Variants in SLC30A4 observed in about 807,000 individuals in gnomAD.
SLC30A4 encodes the protein probable proton-coupled zinc antiporter SLC30A4.
A neutral mutation model predicts 41.7 loss-of-function variants in SLC30A4; 20 were observed. That is an observed-to-expected ratio of 0.48 (90% CI 0.34 to 0.70). SLC30A4 has a LOEUF of 0.70. Ranked by LOEUF, SLC30A4 falls within the 30% of genes least tolerant of loss-of-function variation. The pLI is 0.01. For missense variants in SLC30A4, 441 were observed against 529.3 expected (o/e 0.83, Z 1.64); for synonymous variants, 181 against 195.9 (o/e 0.92, Z 0.64).
intron 4 of SLC30A4, among the ~76,000 whole-genome samples, chr15:45,489,661 C>T (rs974831959): frequency 1.3e-5 from 2 of 149,720 alleles, no homozygotes; most frequent in Non-Finnish European, 3.0e-5. Flanking sequence ...GGAGATATAC[C>T]TAATGCTAAA....
chr15:45,479,742 T>C lies in SLC30A4; in HGVS notation c.*5421A>G, dbSNP rs1284625381. On this transcript the variant is annotated 3_prime_UTR_variant, in exon 8 of 8. Coordinates refer to ENST00000261867, the MANE Select transcript of SLC30A4 (RefSeq NM_013309.6). Reference sequence around the variant, plus strand: ...TATTACTTAATAAAAAGAGCAGATATTTAAGAGACTGTACATTTTTATTTA... The same window carrying C: ...TATTACTTAATAAAAAGAGCAGATACTTAAGAGACTGTACATTTTTATTTA... The C allele has an allele frequency of 6.6e-6, 1 of 152,026 alleles. No individual in the cohort carries two copies. Among genetic ancestry groups the C allele is most frequent in the Non-Finnish European group, 1.5e-5 (1 of 68,004 alleles). The allele number at this position is 152,026 out of a possible 1,614,324, so 9.4% of individuals were successfully genotyped here. A position where few individuals can be genotyped will look rare whatever the true frequency, so the allele number is the denominator to read the frequency against.
chr15:45,490,930 C>CACTTCATA, intron 3 of SLC30A4, 49 bp from the exon 4 acceptor site: 1 of 1,213,908 alleles, frequency 8.2e-7, no homozygotes, highest in South Asian at 1.8e-5. Context: ...ATGGTTACTA[C>CACTTCATA]ACTTCATACC....
chr15:45,501,035 C>CGG (rs1892019620), intron 3 of SLC30A4, among the ~76,000 whole-genome samples: 1 of 147,402 alleles, frequency 6.8e-6, no homozygotes, highest in South Asian at 2.4e-4. Flanking sequence ...TGGCCAGGTG[C>CGG]GGTGGCTCAC....
At chr15:45,507,654 G>A (rs1034414589) in intron 3 of SLC30A4, among the ~76,000 whole-genome samples, 2 of 151,520 alleles carry the variant, frequency 1.3e-5, no homozygotes, top group Non-Finnish European at 2.9e-5. Context: ...TGCCCAGCTA[G>A]GTTTTGTATT....
intron 2 of SLC30A4, among the ~76,000 whole-genome samples, chr15:45,514,978 T>C (rs1053023445): frequency 6.6e-6 from 1 of 150,388 alleles, no homozygotes; most frequent in Non-Finnish European, 1.5e-5. Context: ...CTCCTGGTCT[T>C]AAGCAATCCT....
At chr15:45,516,911 C>T (rs536458346) in intron 2 of SLC30A4, among the ~76,000 whole-genome samples, 2 of 151,864 alleles carry the variant, frequency 1.3e-5, no homozygotes, top group African/African-American at 4.8e-5. Context: ...AGCGAGACTC[C>T]ATTAAAAAAA....
chr15:45,496,341 G>A (rs571462571), intron 3 of SLC30A4, among the ~76,000 whole-genome samples: 3 of 152,280 alleles, frequency 2.0e-5, no homozygotes, highest in South Asian at 4.1e-4. Context: ...AAGAGAGAGG[G>A]AAGCTTTCAA....
At chr15:45,500,509 G>A (rs758644411) in intron 3 of SLC30A4, among the ~76,000 whole-genome samples, 2 of 151,862 alleles carry the variant, frequency 1.3e-5, no homozygotes, top group African/African-American at 4.8e-5. Context: ...CTGAGATAAG[G>A]AAGAAAAAAT....
chr15:45,499,021 C>T (rs1891960810), intron 3 of SLC30A4, among the ~76,000 whole-genome samples: 1 of 151,856 alleles, frequency 6.6e-6, no homozygotes, highest in African/African-American at 2.4e-5. Context: ...CTCAGTAAAA[C>T]TATGTATCAT....
In SLC30A4 at chr15:45,490,675, GTC is replaced by G. The variant is rs1318786858; in HGVS notation, c.692+51_692+52del. The stretch of plus-strand genomic sequence containing the variant: ...AATATTACTGAATGCATATGCAATA[GTC>G]TCTGAGTTCACAGTACTTGAAAATA... On this transcript the variant is annotated intron_variant, in intron 4 of 7. Transcript: ENST00000261867. 2.1e-5 allele frequency: 25 copies of G among 1,207,242 alleles called. No homozygotes were observed. The East Asian group carries it at 3.5e-4, about 17-fold the overall frequency. The allele number at this position is 1,207,242 out of a possible 1,614,324, so 74.8% of individuals were successfully genotyped here. A position where few individuals can be genotyped will look rare whatever the true frequency, so the allele number is the denominator to read the frequency against.
At chr15:45,519,190 T>G (rs1160690025) in intron 2 of SLC30A4, 2 of 152,134 alleles carry the variant, frequency 1.3e-5, no homozygotes, top group Non-Finnish European at 2.9e-5. Flanking sequence ...CCAAATTGCT[T>G]CATTTTTTAT....
intron 2 of SLC30A4, among the ~76,000 whole-genome samples, chr15:45,517,943 G>A (rs1304782328): frequency 3.3e-5 from 5 of 152,096 alleles, no homozygotes; most frequent in African/African-American, 7.2e-5. Flanking sequence ...GCGAGACTCC[G>A]TCTCAAAATA....
At chr15:45,512,260 G>C (rs1892319593) in intron 2 of SLC30A4, 1 of 152,138 alleles carries the variant, frequency 6.6e-6, no homozygotes, top group Non-Finnish European at 1.5e-5. Context: ...ATCACCTGGA[G>C]GGCTTGTTAA....
At chr15:45,492,231 A>C (rs911025532) in intron 3 of SLC30A4, among the ~76,000 whole-genome samples, 149 of 149,830 alleles carry the variant, frequency 9.9e-4, no homozygotes, top group South Asian at 1.0e-3. Context: ...AAAAAAAAAA[A>C]CTCTGGAGAC....
intron 3 of SLC30A4, among the ~76,000 whole-genome samples, chr15:45,500,449 G>A (rs1438774923): frequency 1.3e-5 from 2 of 152,056 alleles, no homozygotes; most frequent in African/African-American, 2.4e-5. Flanking sequence ...ATTTAGCCAC[G>A]AAGTTCTAAG....
At position 45,490,894 on chromosome 15, in the gene SLC30A4, A is replaced by C; in HGVS notation, c.539-13T>G. The C allele has an allele frequency of 3.9e-6, 6 of 1,525,734 alleles. No homozygotes were observed. The highest frequency in any genetic ancestry group is 5.3e-6 in the Non-Finnish European group (6 of 1,131,918). The allele number at this position is 1,525,734 out of a possible 1,614,324, so 94.5% of individuals were successfully genotyped here. A position where few individuals can be genotyped will look rare whatever the true frequency, so the allele number is the denominator to read the frequency against. On this transcript the variant is annotated splice_polypyrimidine_tract_variant and intron_variant, in intron 3 of 7. Coordinates refer to ENST00000261867, the MANE Select transcript of SLC30A4 (RefSeq NM_013309.6). ...GCTGACAAAACCTCTAGAGGGAAAA[A>C]CACATATAACAAATACATTTTCAGC...
intron 2 of SLC30A4, 59 bp downstream of exon 2, chr15:45,521,905 A>T: frequency 6.5e-7 from 1 of 1,542,212 alleles, no homozygotes. Context: ...GTGTAACTAC[A>T]GCTTGACAAA....
At chr15:45,500,314 T>G (rs1891993658) in intron 3 of SLC30A4, among the ~76,000 whole-genome samples, 3 of 152,226 alleles carry the variant, frequency 2.0e-5, no homozygotes, top group Non-Finnish European at 4.4e-5. Context: ...CCACATTATT[T>G]ACTTTTCACA....
At position 45,511,213 on chromosome 15, in the gene SLC30A4, T is replaced by A; in HGVS notation, c.463A>T (p.Ile155Leu). Residue 155 changes from isoleucine to leucine, a missense_variant, in exon 3 of 8, where the codon ATA becomes TTA. Physicochemically the swap from Ile to Leu is conservative, Grantham distance 5. Around this residue, in one of 3 missense-constraint regions of SLC30A4, gnomAD observed 312 missense variants for 341.9 expected, o/e 0.91. Transcript: ENST00000261867. ...LHMLTDLSAI[I>L]LTLLALWLSS... Reference sequence around the variant, plus strand: ...AGCCACAAAGCAAGCAGGGTGAGTATGATGGCGCTTAGGTCAGTTAACATA... The same window carrying A: ...AGCCACAAAGCAAGCAGGGTGAGTAAGATGGCGCTTAGGTCAGTTAACATA... The A allele has an allele frequency of 6.2e-7, 1 of 1,613,650 alleles. No homozygotes were observed. The highest frequency in any genetic ancestry group is 8.5e-7 in the Non-Finnish European group (1 of 1,179,624).
Sources: allele counts gnomAD v4.1 joint callset (sites outside exome capture counted in the v4.1 genomes callset), GRCh38; gene constraint gnomAD v4.1.1; regional missense constraint gnomAD v4.1.1; transcripts MANE v1.5; gene names NCBI Gene and HGNC (gene_info 2026-07-23, HGNC 2026-07-21).